The following LPL variants were observed in gnomAD, a reference collection of about 807,000 sequenced individuals.
LPL encodes the protein lipoprotein lipase.
A neutral mutation model predicts 52.2 loss-of-function variants in LPL; 43 were observed. The observed-to-expected ratio is 0.82, with a 90% CI of 0.64 to 1.06. LPL has a LOEUF of 1.06. Ranked by LOEUF, LPL falls within the 50% of genes least tolerant of loss-of-function variation. The pLI is 0.00. For synonymous variants in LPL, 244 were observed against 215.6 expected (o/e 1.13, Z -1.15); for missense variants, 639 against 585.3 (o/e 1.09, Z -0.95).
chr8:19,960,939 T>C lies in LPL; in HGVS notation c.1178T>C (p.Ile393Thr), dbSNP rs762819569. ...ACAAATAAGACCTACTCCTTCCTAA[T>C]TTACACAGAGGTAGATATTGGAGAA... ...VSTNKTYSFL[I>T]YTEVDIGELL... is the part of the protein sequence containing the mutation. The change falls in exon 8 of 10, where the codon ATT becomes ACT. Residue 393 changes from isoleucine (I) to threonine (T), a missense_variant. By Grantham distance (89) the Ile-to-Thr change is moderately conservative. Transcript: ENST00000650287. 2 of 1,614,060 alleles carry C rather than the reference T, an allele frequency of 1.2e-6. No homozygotes were observed.
intron 3 of LPL, 55 bp downstream of exon 3, chr8:19,952,003 C>T: frequency 2.5e-6 from 4 of 1,587,416 alleles, no homozygotes; most frequent in Non-Finnish European, 2.6e-6. Context: ...TGACTGGAGC[C>T]AGAAAACCGG....
At chr8:19,940,451 C>A (rs2069825950) in intron 1 of LPL, among the ~76,000 whole-genome samples, 1 of 152,216 alleles carries the variant, frequency 6.6e-6, no homozygotes, top group African/African-American at 2.4e-5. Flanking sequence ...CAACGGTGGT[C>A]ACCGCCGCCA....
In LPL at chr8:19,950,005, G is replaced by A. The variant is rs1201193468; in HGVS notation, c.249+1665G>A. 1.3e-5 allele frequency among the ~76,000 whole-genome samples: 2 copies of A among 152,194 alleles called. No homozygotes were observed. The highest frequency in any genetic ancestry group is 1.5e-5 in the Non-Finnish European group (1 of 68,034). ...TGACATGACCAACCCAATATCAACAGACGGTGCCACTTCCTATCATTGGTC... is the reference window on the plus strand; with the variant it reads ...TGACATGACCAACCCAATATCAACAAACGGTGCCACTTCCTATCATTGGTC... On this transcript the variant is annotated intron_variant, in intron 2 of 9. Transcript: ENST00000650287. This position sits in a 1 kb window ranked among gnomAD's most constrained non-coding sequence, Gnocchi z 4.2.
At position 19,939,454 on chromosome 8, in the gene LPL, C is replaced by A; in HGVS notation, c.14C>A (p.Ala5Asp). 1 of 1,610,470 alleles carries A rather than the reference C, an allele frequency of 6.2e-7. No individual in the cohort carries two copies. Among genetic ancestry groups the A allele is most frequent in the Non-Finnish European group, 8.5e-7 (1 of 1,178,866 alleles). The change falls in exon 1 of 10, where the codon GCC becomes GAC. Residue 5 changes from alanine (A) to aspartate (D), a missense_variant. By Grantham distance (126) the Ala-to-Asp change is moderately radical. Coordinates refer to ENST00000650287, the MANE Select transcript of LPL (RefSeq NM_000237.3). The surrounding 1 kb of genome is among the most constrained non-coding windows in gnomAD (Gnocchi z 4.0). ...ACGCGCCCCGAGATGGAGAGCAAAGCCCTGCTCGTGCTGACTCTGGCCGTG... is the reference window on the plus strand; with the variant it reads ...ACGCGCCCCGAGATGGAGAGCAAAGACCTGCTCGTGCTGACTCTGGCCGTG... MESK[A>D]LLVLTLAVWL...
chr8:19,962,836 CCTTTAGGG>C (rs1489511827), intron 9 of LPL, among the ~76,000 whole-genome samples: 1 of 152,212 alleles, frequency 6.6e-6, no homozygotes, highest in African/African-American at 2.4e-5. Flanking sequence ...TCCTACCTGA[CCTTTAGGG>C]CTAATCCATG....
chr8:19,945,722 A>G (rs1398989005), intron 1 of LPL, among the ~76,000 whole-genome samples: 17 of 152,212 alleles, frequency 1.1e-4, no homozygotes. Context: ...AGGGACACCA[A>G]GTTGCATAAT....
chr8:19,942,019 C>T (rs1320854203), intron 1 of LPL, among the ~76,000 whole-genome samples: 2 of 152,132 alleles, frequency 1.3e-5, no homozygotes, highest in African/African-American at 2.4e-5. Context: ...CTGAGTTGAA[C>T]ATGATGGCAA....
rs1287661646 is a variant in LPL at position 19,950,690 on chromosome 8, G to A, written c.250-1079G>A. 5.9e-5 allele frequency among the ~76,000 whole-genome samples: 9 copies of A among 152,170 alleles called. No homozygotes were observed. Among genetic ancestry groups the A allele is most frequent in the Non-Finnish European group, 1.3e-4 (9 of 68,030 alleles). ...GTGGTGGTATGTGCTTGTAGTCCCA[G>A]CTACTCAGGAGGCTGAGGCAGGAGA... On this transcript the variant is annotated intron_variant, in intron 2 of 9. Transcript: ENST00000650287. The surrounding 1 kb of genome is among the most constrained non-coding windows in gnomAD (Gnocchi z 4.2).
chr8:19,943,941 C>G (rs534931599), intron 1 of LPL, among the ~76,000 whole-genome samples: 16 of 152,272 alleles, frequency 1.1e-4, no homozygotes, highest in African/African-American at 3.9e-4. Context: ...GTAATCCCAG[C>G]ATTTTGGGAG....
chr8:19,958,144 G>C (rs1308415574), intron 6 of LPL, among the ~76,000 whole-genome samples: 2 of 151,874 alleles, frequency 1.3e-5, no homozygotes, highest in African/African-American at 4.8e-5. Context: ...TCAGCCTCCT[G>C]AGTAACTGGG....
At position 19,958,586 on chromosome 8, in the gene LPL, T is replaced by G. The variant is rs117416450; in HGVS notation, c.1019-674T>G. 6.3e-4 allele frequency among the ~76,000 whole-genome samples: 96 copies of G among 152,322 alleles called. No homozygotes were observed. In the East Asian group the frequency reaches 0.017, roughly 27 times the overall value. ...CTTTTTTAAAAAAAATTTTATTTAT[T>G]TCCATAGGTTATTGGGGGAACAGGT... is the stretch of plus-strand genomic sequence containing the variant. On this transcript the variant is annotated intron_variant, in intron 6 of 9. Transcript: ENST00000650287.
At chr8:19,955,723 C>G in intron 5 of LPL, 118 bp from the exon 6 acceptor site, 4 of 1,315,640 alleles carry the variant, frequency 3.0e-6, no homozygotes, top group Non-Finnish European at 4.4e-6. Flanking sequence ...ATGCACAGGA[C>G]TATATCCTTG....
At chr8:19,957,581 G>T (rs888376675) in intron 6 of LPL, among the ~76,000 whole-genome samples, 14 of 152,088 alleles carry the variant, frequency 9.2e-5, no homozygotes, top group African/African-American at 3.4e-4. Context: ...TGTCCCCTAG[G>T]GGCACCTCAC....
intron 2 of LPL, 134 bp downstream of exon 2, chr8:19,948,474 A>T: frequency 9.3e-7 from 1 of 1,071,956 alleles, no homozygotes; most frequent in East Asian, 2.6e-5. Context: ...GAATAAAGAC[A>T]GTTCTGGCTC....
At chr8:19,948,398 T>G in intron 2 of LPL, 58 bp downstream of exon 2, 2 of 1,588,926 alleles carry the variant, frequency 1.3e-6, no homozygotes, top group Non-Finnish European at 1.7e-6. Flanking sequence ...CTGACTGGCC[T>G]GCCCAATTGT....
rs536798982 is a variant in LPL at position 19,958,951 on chromosome 8, T to C, written c.1019-309T>C. 2.0e-5 allele frequency among the ~76,000 whole-genome samples: 3 copies of C among 152,326 alleles called. No homozygotes were observed. The East Asian group carries it at 5.8e-4, about 29-fold the overall frequency. ...CATCATGAGTGTTTTGGCCTTCTGA[T>C]TTGATCTCCCTAGCACCCCTCAAAG... On this transcript the variant is annotated intron_variant, in intron 6 of 9. Coordinates refer to ENST00000650287, the MANE Select transcript of LPL (RefSeq NM_000237.3).
intron 6 of LPL, among the ~76,000 whole-genome samples, chr8:19,957,259 T>A (rs1185029572): frequency 6.6e-6 from 1 of 152,034 alleles, no homozygotes; most frequent in Non-Finnish European, 1.5e-5. Flanking sequence ...ATAAATCCGG[T>A]GAGAGGGACC....
At chr8:19,959,794 T>C (rs1438404369) in intron 7 of LPL, among the ~76,000 whole-genome samples, 1 of 133,916 alleles carries the variant, frequency 7.5e-6, no homozygotes, top group Non-Finnish European at 1.6e-5. Context: ...TTTTTTTTTT[T>C]TTTTTTTTTT....
At position 19,956,086 on chromosome 8, in the gene LPL, A is replaced by T; in HGVS notation, c.1018+3A>T. The stretch of plus-strand genomic sequence containing the variant: ...TCGTTCTCAGATGCCCTACAAAGGT[A>T]GGCTGGAGACTGTTGTAAATAAGGA... On this transcript the variant is annotated splice_donor_region_variant and intron_variant, in intron 6 of 9. Transcript: ENST00000650287. The T allele has an allele frequency of 6.2e-7, 1 of 1,614,154 alleles. No homozygotes were observed. The highest frequency in any genetic ancestry group is 1.1e-5 in the South Asian group (1 of 91,086).
Sources: allele counts gnomAD v4.1 joint callset (sites outside exome capture counted in the v4.1 genomes callset), GRCh38; gene constraint gnomAD v4.1.1; non-coding constraint Gnocchi (gnomAD v3.1); transcripts MANE v1.5; gene names NCBI Gene and HGNC (gene_info 2026-07-23, HGNC 2026-07-21).